The following NRXN3 variants were observed in gnomAD, a reference collection of about 807,000 sequenced individuals.
NRXN3 encodes the protein neurexin 3, also known as neurexin III.
NRXN3 carries 32 observed loss-of-function variants against 137.6 expected under a neutral mutation model. The ratio of observed to expected loss-of-function variants is 0.23; its 90% CI spans 0.18 to 0.31. The LOEUF (loss-of-function observed/expected upper bound fraction) is 0.31. Among genes scored for constraint, NRXN3 ranks in the 10% least tolerant of loss-of-function variants. The pLI, the probability that NRXN3 is intolerant of heterozygous loss-of-function variation, is 1.00. For synonymous variants in NRXN3, 798 were observed against 784.5 expected (o/e 1.02, Z -0.29); for missense variants, 1,574 against 2,062.5 (o/e 0.76, Z 4.59).
At chr14:78,457,324 G>A (rs1296431604) in intron 4 of NRXN3, among the ~76,000 whole-genome samples, 2 of 152,138 alleles carry the variant, frequency 1.3e-5, no homozygotes, top group South Asian at 4.1e-4. Context: ...GAGCCACCAC[G>A]CCCAGCCAGG....
intron 11 of NRXN3, among the ~76,000 whole-genome samples, chr14:78,957,745 G>T (rs983715221): frequency 2.6e-5 from 4 of 152,204 alleles, no homozygotes; most frequent in African/African-American, 9.6e-5. Flanking sequence ...TCTAGTAGAA[G>T]AGATGGGCAA....
At chr14:78,336,838 G>A (rs79754884) in intron 4 of NRXN3, among the ~76,000 whole-genome samples, 1 of 152,094 alleles carries the variant, frequency 6.6e-6, no homozygotes, top group African/African-American at 2.4e-5. Flanking sequence ...ACAGCATCCT[G>A]TTGTGATGCA....
intron 15 of NRXN3, among the ~76,000 whole-genome samples, chr14:79,283,959 T>C (rs2081735052): frequency 6.6e-6 from 1 of 152,052 alleles, no homozygotes; most frequent in Admixed American, 6.6e-5. Context: ...AATCAAAATA[T>C]CCTTTATAAA....
At chr14:78,990,686 A>G (rs772378604) in intron 15 of NRXN3, among the ~76,000 whole-genome samples, 2 of 152,158 alleles carry the variant, frequency 1.3e-5, no homozygotes, top group Non-Finnish European at 2.9e-5. Context: ...TGATAAGTAT[A>G]TAGAATTGAG....
At chr14:78,732,077 A>G (rs1402702546) in intron 8 of NRXN3, among the ~76,000 whole-genome samples, 1 of 124,434 alleles carries the variant, frequency 8.0e-6, no homozygotes, top group Non-Finnish European at 1.8e-5. Context: ...CTCCCTCATT[A>G]CCACATTCTT....
chr14:78,844,671 A>G (rs1421019951), intron 10 of NRXN3, among the ~76,000 whole-genome samples: 1 of 152,104 alleles, frequency 6.6e-6, no homozygotes, highest in Admixed American at 6.6e-5. Context: ...CAATAGATAG[A>G]ACAGATTTTA....
At chr14:79,624,168 C>A (rs532352905) in intron 16 of NRXN3, among the ~76,000 whole-genome samples, 1 of 152,272 alleles carries the variant, frequency 6.6e-6, no homozygotes, top group African/African-American at 2.4e-5. Flanking sequence ...AGCCACTGAT[C>A]GAGATTAAAA....
At chr14:79,510,347 C>T (rs2096920823) in intron 16 of NRXN3, among the ~76,000 whole-genome samples, 1 of 152,102 alleles carries the variant, frequency 6.6e-6, no homozygotes, top group Non-Finnish European at 1.5e-5. Context: ...TTGGATACAG[C>T]TAACAGCAGG....
intron 15 of NRXN3, among the ~76,000 whole-genome samples, chr14:79,177,971 C>T (rs1171614755): frequency 6.6e-6 from 1 of 152,164 alleles, no homozygotes; most frequent in East Asian, 1.9e-4. Context: ...TCCATCATTT[C>T]CAGTAACTTT....
chr14:78,992,780 C>G (rs1358644023), intron 15 of NRXN3, among the ~76,000 whole-genome samples: 2 of 152,152 alleles, frequency 1.3e-5, no homozygotes, highest in African/African-American at 4.8e-5. Context: ...TTTTGAGTGG[C>G]ATACAATTTG....
At chr14:79,412,471 G>A (rs1013839435) in intron 15 of NRXN3, among the ~76,000 whole-genome samples, 23 of 151,876 alleles carry the variant, frequency 1.5e-4, no homozygotes, top group Admixed American at 1.3e-4. Context: ...GATTTTGAGA[G>A]TGCAAGTGAA....
At chr14:78,530,505 T>A (rs1049666113) in intron 4 of NRXN3, among the ~76,000 whole-genome samples, 1 of 152,220 alleles carries the variant, frequency 6.6e-6, no homozygotes, top group Non-Finnish European at 1.5e-5. Flanking sequence ...CCCTGGAAAT[T>A]GATATCTTCT....
chr14:78,430,902 T>A lies in NRXN3; in HGVS notation c.757+133042T>A, dbSNP rs146578344. On this transcript the variant is annotated intron_variant, in intron 4 of 20. Coordinates refer to ENST00000335750, the MANE Select transcript of NRXN3 (RefSeq NM_001330195.2). ...TTTTATGTTTATTTTTCCTTCTGGG[T>A]ACCTAGAGTTCATATTCATCCTAGA... Among the ~76,000 whole-genome samples the A allele has an allele frequency of 4.4e-4, 67 of 152,300 alleles. 1 individual carries two copies. Among genetic ancestry groups the A allele is most frequent in the African/African-American group, 1.5e-3 (64 of 41,576 alleles).
At chr14:79,593,630 CAAAAAAA>C (rs58254245) in intron 16 of NRXN3, among the ~76,000 whole-genome samples, 7 of 74,766 alleles carry the variant, frequency 9.4e-5, no homozygotes, top group Middle Eastern at 7.8e-3. Context: ...GACTCCGTCT[CAAAAAAA>C]AAAAAAAAAA....
intron 15 of NRXN3, among the ~76,000 whole-genome samples, chr14:79,173,403 G>T (rs1200261423): frequency 6.6e-6 from 1 of 151,680 alleles, no homozygotes; most frequent in Non-Finnish European, 1.5e-5. Context: ...ATGGTAGTGT[G>T]TGCCTGTAGT....
intron 15 of NRXN3, among the ~76,000 whole-genome samples, chr14:79,338,288 C>T (rs2092401545): frequency 6.6e-6 from 1 of 151,384 alleles, no homozygotes. Flanking sequence ...CAGCAGCCAT[C>T]ATGGGAAAGG....
chr14:79,768,589 A>C (rs1010116035), intron 19 of NRXN3, among the ~76,000 whole-genome samples: 3 of 152,196 alleles, frequency 2.0e-5, no homozygotes, highest in Non-Finnish European at 4.4e-5. Context: ...AAACTAACAA[A>C]CAGAAAGGAC....
intron 19 of NRXN3, among the ~76,000 whole-genome samples, chr14:79,713,190 T>TTTTTTTTTTTTTTA (rs1567979801): frequency 9.2e-6 from 1 of 108,596 alleles, no homozygotes; most frequent in Non-Finnish European, 1.8e-5. Flanking sequence ...TTTTTTTTTT[T>TTTTTTTTTTTTTTA]ACCCTCTCTC....
At position 78,208,866 on chromosome 14, in the gene NRXN3, A is replaced by G. The variant is rs116416472; in HGVS notation, c.-703-33525A>G. Among the ~76,000 whole-genome samples the G allele has an allele frequency of 9.2e-3, 1,396 of 152,312 alleles. 28 individuals are homozygous for G. The highest frequency in any genetic ancestry group is 0.032 in the African/African-American group (1,321 of 41,572). Reference sequence around the variant, plus strand: ...TCCACTAATACAGCCATTATGTGCTATTTAATTTGTAGTTCGCGTATGTGT... The same window carrying G: ...TCCACTAATACAGCCATTATGTGCTGTTTAATTTGTAGTTCGCGTATGTGT... On this transcript the variant is annotated intron_variant, in intron 1 of 20. Transcript: ENST00000335750.
Sources: gnomAD v4.1 joint callset for allele counts (sites outside exome capture counted in the v4.1 genomes callset) on GRCh38, gnomAD v4.1.1 for gene constraint, MANE v1.5 for transcripts, NCBI Gene and HGNC (gene_info 2026-07-23, HGNC 2026-07-21) for gene names.